The following MYO3B variants were observed in gnomAD, a reference collection of about 807,000 sequenced individuals.
MYO3B encodes myosin-IIIb.
In MYO3B, 156 loss-of-function variants were observed where a neutral mutation model predicts 174.6. The observed-to-expected ratio is 0.89, with a 90% CI of 0.78 to 1.02. MYO3B has a LOEUF of 1.02. MYO3B is among the 50% of genes least tolerant of loss of function. The pLI is 0.00. For synonymous variants in MYO3B, 563 were observed against 569.1 expected, an observed-to-expected ratio of 0.99 and a Z score of 0.15; for missense variants, 1,632 against 1,639.4, an observed-to-expected ratio of 1.00 and a Z score of 0.08.
At chr2:170,212,467 T>C (rs2092782219) in intron 3 of MYO3B, among the ~76,000 whole-genome samples, 1 of 152,034 alleles carries the variant, frequency 6.6e-6, no homozygotes, top group South Asian at 2.1e-4. Context: ...AAAAAGACTT[T>C]TTGGTTTGCA....
chr2:170,431,932 AT>A (rs1288227994), intron 22 of MYO3B, among the ~76,000 whole-genome samples: 1 of 152,164 alleles, frequency 6.6e-6, no homozygotes, highest in Non-Finnish European at 1.5e-5. Context: ...AAAAATTCCT[AT>A]TGCCTAGTGA....
rs547791603 is a variant in MYO3B at position 170,398,155 on chromosome 2, G to A, written c.1792-2033G>A. Among the ~76,000 whole-genome samples the A allele has an allele frequency of 7.3e-5, 11 of 150,840 alleles. No individual in the cohort carries two copies. The South Asian group carries it at 1.1e-3, about 14-fold the overall frequency. On this transcript the variant is annotated intron_variant, in intron 16 of 34. Coordinates refer to ENST00000408978, the MANE Select transcript of MYO3B (RefSeq NM_138995.5). ...GGAGAATCACTTGAACCTGGGTGGC[G>A]GAGGTTTTAGTGATCCATGATCACG... is the stretch of plus-strand genomic sequence containing the variant.
intron 32 of MYO3B, among the ~76,000 whole-genome samples, chr2:170,643,163 C>T (rs556381445): frequency 3.3e-5 from 5 of 152,158 alleles, no homozygotes; most frequent in Non-Finnish European, 7.3e-5. Context: ...TGGGCTTTGC[C>T]TCTAACTGTA....
intron 8 of MYO3B, among the ~76,000 whole-genome samples, chr2:170,356,955 A>G (rs1457109932): frequency 1.3e-5 from 2 of 151,464 alleles, no homozygotes; most frequent in Admixed American, 6.6e-5. Flanking sequence ...TTTAAAAACA[A>G]TATTTTTGGT....
chr2:170,371,782 C>A (rs925011112), intron 9 of MYO3B, among the ~76,000 whole-genome samples: 4 of 151,552 alleles, frequency 2.6e-5, no homozygotes, highest in Non-Finnish European at 5.9e-5. Flanking sequence ...TATGGCCACC[C>A]GGCAGGCAGT....
intron 7 of MYO3B, among the ~76,000 whole-genome samples, chr2:170,329,143 C>G (rs989098653): frequency 3.3e-4 from 47 of 143,470 alleles, no homozygotes; most frequent in Middle Eastern, 7.0e-3. Flanking sequence ...CTGAGTGAGA[C>G]TCTGTCTCCA....
chr2:170,323,723 C>G (rs1000380933), intron 7 of MYO3B, among the ~76,000 whole-genome samples: 1 of 152,218 alleles, frequency 6.6e-6, no homozygotes, highest in African/African-American at 2.4e-5. Flanking sequence ...ACATTATTAG[C>G]ACAGTGCTTT....
At chr2:170,387,509 G>T (rs898250409) in intron 14 of MYO3B, among the ~76,000 whole-genome samples, 3 of 152,116 alleles carry the variant, frequency 2.0e-5, no homozygotes, top group Admixed American at 6.5e-5. Flanking sequence ...GCTGGGGTGG[G>T]CGTGCTTTAG....
intron 23 of MYO3B, among the ~76,000 whole-genome samples, chr2:170,450,037 C>T (rs1683499766): frequency 6.6e-6 from 1 of 152,180 alleles, no homozygotes; most frequent in Non-Finnish European, 1.5e-5. Context: ...AGGACAGCCA[C>T]TATTAAAGCT....
chr2:170,412,619 T>C (rs149750137), intron 22 of MYO3B, among the ~76,000 whole-genome samples: 18 of 152,352 alleles, frequency 1.2e-4, no homozygotes, highest in Admixed American at 5.2e-4. Flanking sequence ...CCTTCACTGC[T>C]GAAATCCTTG....
intron 25 of MYO3B, among the ~76,000 whole-genome samples, chr2:170,476,414 C>G (rs1336652531): frequency 2.0e-5 from 3 of 152,140 alleles, no homozygotes; most frequent in South Asian, 2.1e-4. Flanking sequence ...CCAGAAGAAT[C>G]AGGTCATACA....
chr2:170,448,390 A>G (rs1683381212), intron 23 of MYO3B, among the ~76,000 whole-genome samples: 1 of 152,184 alleles, frequency 6.6e-6, no homozygotes, highest in Non-Finnish European at 1.5e-5. Context: ...GTAACACCTT[A>G]TTCTTCAGAT....
Position 170,401,544 on chromosome 2 carries a change from T to G in MYO3B, c.1982T>G (p.Val661Gly), listed in dbSNP as rs1260038659. 10 of 1,614,082 alleles carry G rather than the reference T, an allele frequency of 6.2e-6. No homozygotes were observed. The highest frequency in any genetic ancestry group is 8.5e-6 in the Non-Finnish European group (10 of 1,180,028). The change falls in exon 18 of 35, where the codon GTC becomes GGC. Residue 661 changes from valine (V) to glycine (G), a missense_variant. Coordinates refer to ENST00000408978, the MANE Select transcript of MYO3B (RefSeq NM_138995.5). ...LQEALTSHCVVTRGETIIRAN... is the reference protein window; with the variant it reads ...LQEALTSHCVGTRGETIIRAN... ...GAGGCCCTCACCTCCCACTGTGTGG[T>G]CACCCGGGGCGAGACCATCATCCGT...
Position 170,383,125 on chromosome 2 carries a change from C to A in MYO3B, c.1121C>A (p.Thr374Lys). Residue 374 changes from threonine to lysine, a missense_variant, in exon 11 of 35, where the codon ACA becomes AAA. By Grantham distance (78) the Thr-to-Lys change is moderately conservative. Coordinates refer to ENST00000408978, the MANE Select transcript of MYO3B (RefSeq NM_138995.5). ...QKRYADLLIY[T>K]YVGDILIALN... is the part of the protein sequence containing the mutation. The stretch of plus-strand genomic sequence containing the variant: ...CGTTATGCAGACTTGCTAATTTACA[C>A]ATATGTTGGAGACATCTTAATTGCC... 1 of 1,613,298 alleles carries A rather than the reference C, an allele frequency of 6.2e-7. No individual in the cohort carries two copies. The highest frequency in any genetic ancestry group is 8.5e-7 in the Non-Finnish European group (1 of 1,179,466).
intron 7 of MYO3B, among the ~76,000 whole-genome samples, chr2:170,298,471 T>C (rs892130115): frequency 2.6e-5 from 4 of 151,976 alleles, no homozygotes; most frequent in African/African-American, 9.7e-5. Context: ...GGTCAGGAGT[T>C]CACAACCAGC....
At chr2:170,359,805 G>A (rs1158761139) in intron 8 of MYO3B, among the ~76,000 whole-genome samples, 4 of 152,074 alleles carry the variant, frequency 2.6e-5, no homozygotes, top group East Asian at 3.9e-4. Context: ...ATACTTTTCA[G>A]CCTTAAATTA....
intron 1 of MYO3B, 60 bp downstream of exon 1, chr2:170,178,349 G>A: frequency 6.2e-7 from 1 of 1,611,678 alleles, no homozygotes; most frequent in Non-Finnish European, 8.5e-7. Flanking sequence ...TTGTTTTTCT[G>A]CAAAGGGCAG....
At chr2:170,386,065 G>A (rs2094371983) in intron 12 of MYO3B, 124 bp from the exon 13 acceptor site, 1 of 683,264 alleles carries the variant, frequency 1.5e-6, no homozygotes, top group Admixed American at 2.8e-5. Flanking sequence ...TACTGAAATA[G>A]GAAGATGCCT....
Position 170,514,989 on chromosome 2 carries a change from GT to G in MYO3B, c.3441del (p.Gln1148LysfsTer88). 1 of 1,614,036 alleles carries G rather than the reference GT, an allele frequency of 6.2e-7. No homozygotes were observed. ...VAAGTRGSAE[V>X]QDCSEPGDHK... ...AGCAGGTACGAGGGGAAGTGCCGAGGTTCAAGACTGCAGCGAGCCTGGTGAC... is the reference window on the plus strand; with the variant it reads ...AGCAGGTACGAGGGGAAGTGCCGAGGTCAAGACTGCAGCGAGCCTGGTGAC... On this transcript the variant is annotated frameshift_variant, in exon 29 of 35. Transcript: ENST00000408978. LOFTEE classifies it high-confidence loss of function.
Sources: gnomAD v4.1 joint callset for allele counts (sites outside exome capture counted in the v4.1 genomes callset) on GRCh38, gnomAD v4.1.1 for gene constraint, MANE v1.5 for transcripts, NCBI Gene and HGNC (gene_info 2026-07-23, HGNC 2026-07-21) for gene names.